ASIC5: variants seen among roughly 807,000 people sequenced by gnomAD.
ASIC5 encodes the protein acid sensing ion channel subunit family member 5.
ASIC5 carries 52 observed loss-of-function variants against 51.2 expected under a neutral mutation model. That is an observed-to-expected ratio of 1.02 (90% CI 0.81 to 1.28). The LOEUF is 1.28. Among genes scored for constraint, ASIC5 ranks in the 50% most tolerant of loss-of-function variants. ASIC5 has a pLI of 0.00. For missense variants in ASIC5, 635 were observed against 595.0 expected (o/e 1.07, Z -0.70); for synonymous variants, 231 against 200.7 (o/e 1.15, Z -1.28).
Position 155,842,280 on chromosome 4 carries a change from A to G in ASIC5, c.936T>C (p.Thr312=). ...CTTTGCATTCCTTCAAGCAACCAGA[A>G]GTGCTGTAGCTGCTAAAATTCTGCA... The part of the protein sequence containing the change: ...IKLQNFSSYS[T]SGCLKECKAQ... The change falls in exon 6 of 10, where the codon ACT becomes ACC. Residue 312 remains threonine, a synonymous_variant. Transcript: ENST00000537611. 1 of 1,613,640 alleles carries G rather than the reference A, an allele frequency of 6.2e-7. No individual in the cohort carries two copies. The highest frequency in any genetic ancestry group is 8.5e-7 in the Non-Finnish European group (1 of 1,179,730).
Position 155,836,691 on chromosome 4 carries a change from G to A in ASIC5, c.1233C>T (p.Ile411=). The change falls in exon 8 of 10, where the codon ATC becomes ATT. Residue 411 remains isoleucine (I), a splice_region_variant and synonymous_variant. Coordinates refer to ENST00000537611, the MANE Select transcript of ASIC5 (RefSeq NM_017419.3). The part of the protein sequence containing the change: ...SKKLNQSRKY[I]RENLVKIEIN... ...ATTTAAAAGGCTAGTAAGGTTACCTGATGTATTTCCGGCTTTGATTCAACT... is the reference window on the plus strand; with the variant it reads ...ATTTAAAAGGCTAGTAAGGTTACCTAATGTATTTCCGGCTTTGATTCAACT... 1 of 1,598,330 alleles carries A rather than the reference G, an allele frequency of 6.3e-7. No individual in the cohort carries two copies. The highest frequency in any genetic ancestry group is 8.6e-7 in the Non-Finnish European group (1 of 1,168,014).
chr4:155,854,052 T>C (rs767310890), intron 3 of ASIC5, 25 bp downstream of exon 3: 3 of 1,524,986 alleles, frequency 2.0e-6, no homozygotes, highest in South Asian at 2.3e-5. Flanking sequence ...ACTTTGATTA[T>C]ATTTGAAGAA....
Position 155,866,237 on chromosome 4 carries a change from A to G in ASIC5, c.-11T>C. 1 of 1,607,086 alleles carries G rather than the reference A, an allele frequency of 6.2e-7. No homozygotes were observed. Among genetic ancestry groups the G allele is most frequent in the Non-Finnish European group, 8.5e-7 (1 of 1,174,694 alleles). Reference sequence around the variant, plus strand: ...TTCTGTCTGCTCCATTTGTGATTTCAGTTAAGCAAGAGTCCTCAGGGTAAC... The same window carrying G: ...TTCTGTCTGCTCCATTTGTGATTTCGGTTAAGCAAGAGTCCTCAGGGTAAC... On this transcript the variant is annotated 5_prime_UTR_variant, in exon 1 of 10. Coordinates refer to ENST00000537611, the MANE Select transcript of ASIC5 (RefSeq NM_017419.3).
At chr4:155,844,564 T>G (rs1192918183) in intron 4 of ASIC5, among the ~76,000 whole-genome samples, 1 of 152,100 alleles carries the variant, frequency 6.6e-6, no homozygotes, top group Non-Finnish European at 1.5e-5. Flanking sequence ...ATTTGTGTGA[T>G]CACTGTTAGT....
chr4:155,847,997 G>T (rs150655887), intron 4 of ASIC5, among the ~76,000 whole-genome samples: 1 of 152,080 alleles, frequency 6.6e-6, no homozygotes, highest in East Asian at 1.9e-4. Context: ...AGATCATAAA[G>T]GTTATAAAAG....
chr4:155,863,747 TAA>T lies in ASIC5; in HGVS notation c.46_47del (p.Leu16ArgfsTer17). 2 of 1,610,962 alleles carry T rather than the reference TAA, an allele frequency of 1.2e-6. No individual in the cohort carries two copies. Among genetic ancestry groups the T allele is most frequent in the East Asian group, 2.2e-5 (1 of 44,850 alleles). On this transcript the variant is annotated frameshift_variant, in exon 2 of 10. Transcript: ENST00000537611. LOFTEE classifies it high-confidence loss of function. ...KSKVYAENGL[L>X]EKIKLCLSKK... The stretch of plus-strand genomic sequence containing the variant: ...TTGAAAGGCAAAGCTTTATCTTTTC[TAA>T]GAGTCCTTAAGGTTTTGCCCATAAA...
chr4:155,834,507 C>T (rs993931248), intron 8 of ASIC5, among the ~76,000 whole-genome samples: 1 of 152,166 alleles, frequency 6.6e-6, no homozygotes, highest in Admixed American at 6.5e-5. Flanking sequence ...CTTTGTTCAG[C>T]TGCTCACCTT....
intron 7 of ASIC5, among the ~76,000 whole-genome samples, chr4:155,837,457 T>G (rs186688158): frequency 6.6e-6 from 1 of 152,162 alleles, no homozygotes; most frequent in African/African-American, 2.4e-5. Flanking sequence ...AAAAAGTCCC[T>G]GTAGCAGGTA....
intron 2 of ASIC5, among the ~76,000 whole-genome samples, chr4:155,856,031 T>C (rs1044480289): frequency 6.6e-6 from 1 of 152,048 alleles, no homozygotes; most frequent in Non-Finnish European, 1.5e-5. Flanking sequence ...AAGGTCACCT[T>C]TGCTAGTCAA....
chr4:155,840,074 T>C (rs1741082379), intron 6 of ASIC5, among the ~76,000 whole-genome samples: 1 of 152,204 alleles, frequency 6.6e-6, no homozygotes, highest in Admixed American at 6.5e-5. Context: ...ATGCATTTGA[T>C]ATATATGCTA....
chr4:155,859,628 G>A (rs1741643138), intron 2 of ASIC5, among the ~76,000 whole-genome samples: 1 of 152,028 alleles, frequency 6.6e-6, no homozygotes, highest in Admixed American at 6.6e-5. Flanking sequence ...ACAGTGTTAA[G>A]CTTTACTTTT....
chr4:155,863,556 A>T lies in ASIC5; in HGVS notation c.239T>A (p.Ile80Asn), dbSNP rs745361816. The T allele has an allele frequency of 4.3e-6, 7 of 1,613,836 alleles. No individual in the cohort carries two copies. The highest frequency in any genetic ancestry group is 5.9e-6 in the Non-Finnish European group (7 of 1,179,894). Residue 80 changes from isoleucine to asparagine, a missense_variant, in exon 2 of 10, where the codon ATC becomes AAC. Transcript: ENST00000537611. ...GAAGTAGTTGAGCAAGCGAATGTAGATCTGCCATGTCACAAGTGAGACTGA... is the reference window on the plus strand; with the variant it reads ...GAAGTAGTTGAGCAAGCGAATGTAGTTCTGCCATGTCACAAGTGAGACTGA... ...LGSVSLVTWQ[I>N]YIRLLNYFTW...
At chr4:155,856,483 C>T (rs1388402658) in intron 2 of ASIC5, among the ~76,000 whole-genome samples, 12 of 152,078 alleles carry the variant, frequency 7.9e-5, no homozygotes, top group Admixed American at 7.9e-4. Flanking sequence ...GCTTGCTTAA[C>T]TAGCTCTGAT....
At chr4:155,844,171 G>A (rs1003176601) in intron 4 of ASIC5, among the ~76,000 whole-genome samples, 1 of 152,048 alleles carries the variant, frequency 6.6e-6, no homozygotes, top group African/African-American at 2.4e-5. Context: ...TAGCCTATCA[G>A]TGCTTGGTAC....
At chr4:155,866,120 CTT>C (rs1213389841) in intron 1 of ASIC5, 65 bp downstream of exon 1, 14 of 1,007,938 alleles carry the variant, frequency 1.4e-5, no homozygotes, top group Non-Finnish European at 2.1e-5. Flanking sequence ...AAAAATCTCT[CTT>C]TTCTTACTTC....
In ASIC5 at chr4:155,854,242, A is replaced by T. The variant is rs756215502; in HGVS notation, c.420T>A (p.His140Gln). The T allele has an allele frequency of 6.2e-7, 1 of 1,613,276 alleles. No individual in the cohort carries two copies. The highest frequency in any genetic ancestry group is 8.5e-7 in the Non-Finnish European group (1 of 1,179,618). The change falls in exon 3 of 10, where the codon CAT becomes CAA. Residue 140 changes from histidine to glutamine, a missense_variant. Transcript: ENST00000537611. ...FLWHIVSKVL[H>Q]LQEITANSTG... Reference sequence around the variant, plus strand: ...TGGAATTGGCAGTAATTTCTTGAAGATGGAGGACTTTGGATACAATGTGCC... The same window carrying T: ...TGGAATTGGCAGTAATTTCTTGAAGTTGGAGGACTTTGGATACAATGTGCC...
At chr4:155,863,813 C>T in intron 1 of ASIC5, 59 bp from the exon 2 acceptor site, 8 of 1,393,808 alleles carry the variant, frequency 5.7e-6, no homozygotes, top group Non-Finnish European at 7.8e-6. Flanking sequence ...AACCTTAATG[C>T]TATCCGTAAA....
At position 155,852,234 on chromosome 4, in the gene ASIC5, C is replaced by T; in HGVS notation, c.668G>A (p.Ser223Asn). The change falls in exon 4 of 10, where the codon AGT (serine) becomes AAT (asparagine). Residue 223 changes from serine to asparagine, a missense_variant. Physicochemically the swap from Ser to Asn is conservative, Grantham distance 46. Transcript: ENST00000537611. ...TAAGCTCAAACCTCTTCCAGAGACA[C>T]TCACTTTTCTCTTTGCTTGGAGAGT... Reference protein sequence around the residue: ...GETLQAKRKVSVSGRGLSLLF... With the variant: ...GETLQAKRKVNVSGRGLSLLF... The T allele has an allele frequency of 6.2e-7, 1 of 1,609,766 alleles. No homozygotes were observed. Among genetic ancestry groups the T allele is most frequent in the Non-Finnish European group, 8.5e-7 (1 of 1,178,160 alleles).
rs1192555934 is a variant in ASIC5, at chr4:155,829,832, A to G, written c.*24T>C. The G allele has an allele frequency of 7.0e-7, 1 of 1,423,206 alleles. No individual in the cohort carries two copies. Among genetic ancestry groups the G allele is most frequent in the Non-Finnish European group, 9.4e-7 (1 of 1,064,996 alleles). 88.2% of individuals were successfully genotyped at this position (1,423,206 alleles called of 1,614,324 possible). A position where few individuals can be genotyped will look rare whatever the true frequency, so the allele number is the denominator to read the frequency against. On this transcript the variant is annotated 3_prime_UTR_variant, in exon 10 of 10. Transcript: ENST00000537611. ...TAAATCTGAAGGTATCATGAAAAGGAAACTATTTTATTCTAAGTGACCATT... is the reference window on the plus strand; with the variant it reads ...TAAATCTGAAGGTATCATGAAAAGGGAACTATTTTATTCTAAGTGACCATT...
Sources: allele counts gnomAD v4.1 joint callset (sites outside exome capture counted in the v4.1 genomes callset), GRCh38; gene constraint gnomAD v4.1.1; transcripts MANE v1.5; gene names NCBI Gene and HGNC (gene_info 2026-07-23, HGNC 2026-07-21).